The following MTUS2 variants were observed in gnomAD, a reference collection of about 807,000 sequenced individuals.
MTUS2 encodes the protein microtubule-associated tumor suppressor candidate 2.
A neutral mutation model predicts 114.1 loss-of-function variants in MTUS2; 40 were observed. The observed-to-expected ratio is 0.35, with a 90% CI of 0.27 to 0.46. The LOEUF (loss-of-function observed/expected upper bound fraction) is 0.46. Ranked by LOEUF, MTUS2 falls within the 20% of genes least tolerant of loss-of-function variation. MTUS2 has a pLI of 1.00. For missense variants in MTUS2, 1,679 were observed against 1,705.4 expected (o/e 0.98, Z 0.27); for synonymous variants, 688 against 672.0 (o/e 1.02, Z -0.37).
intron 4 of MTUS2, among the ~76,000 whole-genome samples, chr13:29,092,148 A>C (rs1001165732): frequency 3.3e-5 from 5 of 152,234 alleles, no homozygotes; most frequent in African/African-American, 1.2e-4. Context: ...AGCCAAAGCC[A>C]ATTTAAAGCC....
chr13:28,820,255 G>GGGCGGC (rs1873792421), upstream of MTUS2: 1 of 147,314 alleles, frequency 6.8e-6, no homozygotes, highest in African/African-American at 2.4e-5. Flanking sequence ...CCTCGAGCGG[G>GGGCGGC]GGCGGCGGCC....
chr13:29,435,148 C>T (rs1877311931), intron 8 of MTUS2, among the ~76,000 whole-genome samples: 1 of 152,142 alleles, frequency 6.6e-6, no homozygotes, highest in Non-Finnish European at 1.5e-5. Flanking sequence ...GAAACAGCTG[C>T]TGTTTTGGGG....
chr13:29,100,405 T>C (rs1209527425), intron 4 of MTUS2, among the ~76,000 whole-genome samples: 1 of 152,246 alleles, frequency 6.6e-6, no homozygotes, highest in Non-Finnish European at 1.5e-5. Flanking sequence ...TGTATCTCAA[T>C]TTCACGAATC....
chr13:29,255,014 G>T (rs543434421), intron 5 of MTUS2, among the ~76,000 whole-genome samples: 1 of 152,146 alleles, frequency 6.6e-6, no homozygotes, highest in East Asian at 1.9e-4. Flanking sequence ...AATGCACCCT[G>T]TGATTTTTTC....
At chr13:29,070,503 CT>C (rs1411152549) in intron 4 of MTUS2, among the ~76,000 whole-genome samples, 1 of 151,762 alleles carries the variant, frequency 6.6e-6, no homozygotes, top group African/African-American at 2.4e-5. Context: ...GGTAAATATT[CT>C]TTTGTAGGTG....
At chr13:29,440,884 C>A (rs1333924226) in intron 9 of MTUS2, among the ~76,000 whole-genome samples, 1 of 152,186 alleles carries the variant, frequency 6.6e-6, no homozygotes, top group Non-Finnish European at 1.5e-5. Flanking sequence ...AGGCAGAAGG[C>A]TGAACTTCCC....
intron 5 of MTUS2, among the ~76,000 whole-genome samples, chr13:29,192,955 C>G (rs1186140890): frequency 6.6e-6 from 1 of 152,034 alleles, no homozygotes; most frequent in Non-Finnish European, 1.5e-5. Context: ...AGTTGGATGC[C>G]TAGAGGGTTG....
At chr13:29,215,495 T>TC (rs201536978) in intron 5 of MTUS2, among the ~76,000 whole-genome samples, 15 of 136,184 alleles carry the variant, frequency 1.1e-4, no homozygotes, top group South Asian at 4.7e-4. Context: ...TTTTTTTTTT[T>TC]CCCCATCTTT....
At chr13:28,888,715 C>T (rs1361647292) in intron 2 of MTUS2, among the ~76,000 whole-genome samples, 7 of 152,048 alleles carry the variant, frequency 4.6e-5, no homozygotes, top group Non-Finnish European at 8.8e-5. Flanking sequence ...AGACACCGCG[C>T]TCGGCTCCTC....
chr13:29,190,612 A>G (rs1162144632), intron 5 of MTUS2, among the ~76,000 whole-genome samples: 1 of 152,244 alleles, frequency 6.6e-6, no homozygotes, highest in Admixed American at 6.5e-5. Flanking sequence ...AGGTGAGTGC[A>G]GGGAGCAACA....
intron 2 of MTUS2, among the ~76,000 whole-genome samples, chr13:28,906,875 A>G (rs1175660418): frequency 1.3e-5 from 2 of 151,592 alleles, no homozygotes; most frequent in Non-Finnish European, 2.9e-5. Flanking sequence ...AGGCAGGCCA[A>G]CATTCAGATT....
intron 9 of MTUS2, among the ~76,000 whole-genome samples, chr13:29,445,949 C>T (rs1593452376): frequency 6.6e-6 from 1 of 151,984 alleles, no homozygotes; most frequent in Non-Finnish European, 1.5e-5. Flanking sequence ...CTATCCCCAG[C>T]CTCTTCCTCT....
At chr13:29,339,272 A>G (rs1388863625) in intron 7 of MTUS2, among the ~76,000 whole-genome samples, 3 of 152,152 alleles carry the variant, frequency 2.0e-5, no homozygotes, top group Non-Finnish European at 2.9e-5. Flanking sequence ...CCTGGAAGAC[A>G]CTGCTGCTGG....
intron 7 of MTUS2, among the ~76,000 whole-genome samples, chr13:29,335,824 G>C (rs11841743): frequency 0.075 from 11,484 of 152,208 alleles, 1,376 homozygotes; most frequent in African/African-American, 0.25. Context: ...TTCAGGTACA[G>C]TCAAACATAG....
chr13:28,863,513 T>G (rs1006541662), intron 2 of MTUS2, among the ~76,000 whole-genome samples: 2 of 152,188 alleles, frequency 1.3e-5, no homozygotes, highest in African/African-American at 2.4e-5. Context: ...ACCGTTTCTT[T>G]CTGCTCCTTG....
intron 2 of MTUS2, among the ~76,000 whole-genome samples, chr13:29,009,484 T>A (rs1357659524): frequency 6.6e-6 from 1 of 152,146 alleles, no homozygotes; most frequent in Non-Finnish European, 1.5e-5. Context: ...AGGCTGCTTG[T>A]TGTTTGGTTA....
chr13:29,293,936 A>C (rs1351760655), intron 6 of MTUS2, among the ~76,000 whole-genome samples: 4 of 152,166 alleles, frequency 2.6e-5, no homozygotes, highest in Non-Finnish European at 5.9e-5. Flanking sequence ...GCCAAGAGCC[A>C]TTATCAGTGT....
At chr13:29,359,556 C>A in intron 8 of MTUS2, 83 bp downstream of exon 8, 1 of 1,457,870 alleles carries the variant, frequency 6.9e-7, no homozygotes, top group Non-Finnish European at 9.3e-7. Context: ...GTGTATGTTG[C>A]TGTTTTGGGT....
chr13:29,347,755 G>A (rs1466734759), intron 7 of MTUS2, among the ~76,000 whole-genome samples: 12 of 152,218 alleles, frequency 7.9e-5, no homozygotes, highest in Non-Finnish European at 1.8e-4. Context: ...TAGTAGGTGT[G>A]TATGTGACCC....
Sources: gnomAD v4.1 joint callset for allele counts (sites outside exome capture counted in the v4.1 genomes callset) on GRCh38, gnomAD v4.1.1 for gene constraint, MANE v1.5 for transcripts, NCBI Gene and HGNC (gene_info 2026-07-23, HGNC 2026-07-21) for gene names.